The following CYB5R4 variants were observed in gnomAD, a reference collection of about 807,000 sequenced individuals.
CYB5R4 encodes N-terminal cytochrome b5 and cytochrome b5 oxidoreductase domain-containing protein.
CYB5R4 carries 55 observed loss-of-function variants against 70.2 expected under a neutral mutation model. That is an observed-to-expected ratio of 0.78 (90% CI 0.63 to 0.98). The LOEUF (loss-of-function observed/expected upper bound fraction) is 0.98. Among genes scored for constraint, CYB5R4 ranks in the 50% least tolerant of loss-of-function variants. The pLI, the probability that CYB5R4 is intolerant of heterozygous loss-of-function variation, is 0.00. For missense variants in CYB5R4, 562 were observed against 612.6 expected, an observed-to-expected ratio of 0.92 and a Z score of 0.87; for synonymous variants, 197 against 199.5, an observed-to-expected ratio of 0.99 and a Z score of 0.11.
At chr6:83,887,354 CAACACA>C (rs1322823427) in intron 2 of CYB5R4, among the ~76,000 whole-genome samples, 2 of 152,100 alleles carry the variant, frequency 1.3e-5, no homozygotes, top group Non-Finnish European at 2.9e-5. Flanking sequence ...ACATTTCTGA[CAACACA>C]AAGTACTAAA....
chr6:83,915,183 C>T (rs546377570), intron 5 of CYB5R4, among the ~76,000 whole-genome samples: 16 of 152,110 alleles, frequency 1.1e-4, no homozygotes, highest in East Asian at 7.7e-4. Flanking sequence ...TCCTCTCCCC[C>T]GCAAAAAAGT....
At position 83,966,086 on chromosome 6, in the gene CYB5R4, G is replaced by C. The variant is rs1290679974; in HGVS notation, c.*6208G>C. ...AAATGTCTAGAACAGGAAAATCTAT[G>C]AGACATAAAGTAATTAAGTGGCTGT... On this transcript the variant is annotated 3_prime_UTR_variant, in exon 16 of 16. Coordinates refer to ENST00000369681, the MANE Select transcript of CYB5R4 (RefSeq NM_016230.4). The C allele has an allele frequency of 6.6e-6, 1 of 152,138 alleles. No homozygotes were observed. Among genetic ancestry groups the C allele is most frequent in the Non-Finnish European group, 1.5e-5 (1 of 68,036 alleles). The allele number at this position is 152,138 out of a possible 1,614,324, so 9.4% of individuals were successfully genotyped here.
intron 2 of CYB5R4, among the ~76,000 whole-genome samples, chr6:83,886,898 G>C (rs1258215400): frequency 1.3e-5 from 2 of 152,194 alleles, no homozygotes; most frequent in South Asian, 2.1e-4. Flanking sequence ...AACGCTGTTA[G>C]TGAGGTTAGA....
intron 3 of CYB5R4, among the ~76,000 whole-genome samples, chr6:83,907,056 T>C (rs1239730410): frequency 1.3e-5 from 2 of 152,182 alleles, no homozygotes; most frequent in African/African-American, 2.4e-5. Context: ...TTCCTAAATA[T>C]GTGAGTGAAA....
intron 1 of CYB5R4, among the ~76,000 whole-genome samples, chr6:83,860,433 A>G (rs748004434): frequency 6.6e-6 from 1 of 152,192 alleles, no homozygotes; most frequent in Non-Finnish European, 1.5e-5. Flanking sequence ...CTTTTCTACT[A>G]GTATCACTTG....
intron 10 of CYB5R4, among the ~76,000 whole-genome samples, chr6:83,934,300 A>AT (rs532701265): frequency 6.6e-6 from 1 of 151,960 alleles, no homozygotes; most frequent in Non-Finnish European, 1.5e-5. Context: ...AAATTAGGTT[A>AT]TTTTTTATAA....
intron 12 of CYB5R4, 53 bp from the exon 13 acceptor site, chr6:83,940,003 G>GTTTTGTT: frequency 4.3e-6 from 6 of 1,383,760 alleles, no homozygotes; most frequent in Non-Finnish European, 3.9e-6. Flanking sequence ...TGGGTTTTTT[G>GTTTTGTT]TTTTGTTTTT....
At chr6:83,936,453 G>T in intron 12 of CYB5R4, 77 bp downstream of exon 12, 1 of 1,288,746 alleles carries the variant, frequency 7.8e-7, no homozygotes, top group Non-Finnish European at 1.1e-6. Context: ...TCTCCATGTA[G>T]GAGTCTATCA....
At chr6:83,918,951 C>G (rs1445530196) in intron 6 of CYB5R4, among the ~76,000 whole-genome samples, 1 of 152,108 alleles carries the variant, frequency 6.6e-6, no homozygotes, top group Non-Finnish European at 1.5e-5. Flanking sequence ...GACTTAGTTT[C>G]ACTTTAAGTT....
intron 2 of CYB5R4, among the ~76,000 whole-genome samples, chr6:83,891,458 T>C (rs1162226831): frequency 6.6e-6 from 1 of 152,146 alleles, no homozygotes; most frequent in African/African-American, 2.4e-5. Context: ...AGAAATACTT[T>C]TGAGAAGGAA....
At chr6:83,863,116 C>A (rs1434624317) in intron 1 of CYB5R4, among the ~76,000 whole-genome samples, 3 of 152,198 alleles carry the variant, frequency 2.0e-5, no homozygotes, top group African/African-American at 7.2e-5. Context: ...ACTAATAATA[C>A]TTCTCGTCTG....
At chr6:83,879,882 C>T (rs2099459182) in intron 2 of CYB5R4, among the ~76,000 whole-genome samples, 1 of 152,054 alleles carries the variant, frequency 6.6e-6, no homozygotes, top group South Asian at 2.1e-4. Context: ...TTTGTGGTGA[C>T]GTCTCATTTT....
In CYB5R4 at chr6:83,865,534, G is replaced by C. The variant is rs547271981; in HGVS notation, c.229+1206G>C. 4.6e-5 allele frequency among the ~76,000 whole-genome samples: 7 copies of C among 152,230 alleles called. No homozygotes were observed. The South Asian group carries it at 1.5e-3, about 32-fold the overall frequency. ...CTTATAGAACATTACCCTAATATCTGACTTCATCTTCACGTGGCATATTCC... is the reference window on the plus strand; with the variant it reads ...CTTATAGAACATTACCCTAATATCTCACTTCATCTTCACGTGGCATATTCC... On this transcript the variant is annotated intron_variant, in intron 2 of 15. Coordinates refer to ENST00000369681, the MANE Select transcript of CYB5R4 (RefSeq NM_016230.4).
At chr6:83,915,484 G>A (rs1241136475) in intron 5 of CYB5R4, among the ~76,000 whole-genome samples, 1 of 152,060 alleles carries the variant, frequency 6.6e-6, no homozygotes, top group Non-Finnish European at 1.5e-5. Context: ...ACTCTTCTGT[G>A]GCACTACAAA....
At chr6:83,953,564 C>T (rs1222931509) in intron 14 of CYB5R4, among the ~76,000 whole-genome samples, 4 of 151,962 alleles carry the variant, frequency 2.6e-5, no homozygotes, top group Admixed American at 6.6e-5. Flanking sequence ...ATCACTGAAG[C>T]TTTTAAGCAA....
chr6:83,918,619 T>A (rs2129139561), intron 6 of CYB5R4, among the ~76,000 whole-genome samples: 2 of 152,168 alleles, frequency 1.3e-5, no homozygotes, highest in Middle Eastern at 6.8e-3. Context: ...AGTTCATTTT[T>A]ATCAATTTTT....
At chr6:83,922,406 C>T (rs1379116399) in intron 8 of CYB5R4, 32 bp from the exon 9 acceptor site, 1 of 1,589,928 alleles carries the variant, frequency 6.3e-7, no homozygotes, top group Non-Finnish European at 8.6e-7. Context: ...AATTGAAGTT[C>T]TATTTTAACT....
chr6:83,954,467 G>T (rs1315722773), intron 14 of CYB5R4, among the ~76,000 whole-genome samples: 2 of 152,016 alleles, frequency 1.3e-5, no homozygotes, highest in Admixed American at 6.6e-5. Context: ...CTGAAATTTG[G>T]ATTTCTATTG....
chr6:83,867,319 G>A (rs1380614255), intron 2 of CYB5R4, among the ~76,000 whole-genome samples: 1 of 152,190 alleles, frequency 6.6e-6, no homozygotes, highest in East Asian at 1.9e-4. Context: ...AGGTGTTCTG[G>A]AGCTTAGGTT....
Sources: gnomAD v4.1 joint callset for allele counts (sites outside exome capture counted in the v4.1 genomes callset) on GRCh38, gnomAD v4.1.1 for gene constraint, MANE v1.5 for transcripts, NCBI Gene and HGNC (gene_info 2026-07-23, HGNC 2026-07-21) for gene names.